The following RENBP variants were observed in gnomAD, a reference collection of about 807,000 sequenced individuals.
The protein encoded by RENBP is N-acylglucosamine 2-epimerase.
Under a neutral mutation model 37.8 loss-of-function variants are expected in RENBP, and 16 were observed. The ratio of observed to expected loss-of-function variants is 0.42; its 90% CI spans 0.29 to 0.64. RENBP has a LOEUF of 0.64. RENBP is among the 30% of genes least tolerant of loss of function. The pLI, the probability that RENBP is intolerant of heterozygous loss-of-function variation, is 0.19. For missense variants in RENBP, 347 were observed against 379.5 expected (o/e 0.91, Z 0.71); for synonymous variants, 170 against 154.8 (o/e 1.10, Z -0.73).
chrX:153,937,973 C>T (rs1433544880), intron 9 of RENBP, among the ~76,000 whole-genome samples: 1 of 112,225 alleles, frequency 8.9e-6, no homozygotes, highest in African/African-American at 3.2e-5. Flanking sequence ...TCAGGTGATC[C>T]ACCCGCCTCA....
chrX:153,940,413 C>A (rs1184206960), intron 8 of RENBP, among the ~76,000 whole-genome samples, 180 bp from the exon 9 acceptor site: 1 of 111,786 alleles, frequency 8.9e-6, no homozygotes, highest in Middle Eastern at 4.2e-3. Context: ...GAATAGACAC[C>A]AGGGCCCCAG....
At position 153,940,114 on chromosome X, in the gene RENBP, G is replaced by A. The variant is rs2065219997; in HGVS notation, c.1065C>T (p.Tyr355=). ...LLRLFYQVAE[Y]TFRQFRDPEY... ...AGGCAGCTCTCACCTGGCGGAAGGT[G>A]TACTCAGCCACTTGGTAGAAGAGGC... Residue 355 remains tyrosine, a synonymous_variant, in exon 9 of 11, where the codon TAC becomes TAT. Transcript: ENST00000393700. 8.3e-7 allele frequency: 1 copy of A among 1,211,152 alleles called. No individual in the cohort carries two copies.
intron 2 of RENBP, 28 bp from the exon 3 acceptor site, chrX:153,944,183 T>C (rs1345708010): frequency 8.3e-7 from 1 of 1,198,331 alleles, no homozygotes; most frequent in Non-Finnish European, 1.1e-6. Context: ...TAGCAAAGTC[T>C]GGAACGGGCC....
At chrX:153,942,339 C>T (rs943977209) in intron 6 of RENBP, 6 of 201,808 alleles carry the variant, frequency 3.0e-5, no homozygotes, top group Non-Finnish European at 4.3e-5. Flanking sequence ...TGGGTTCATG[C>T]GATTCTCCTG....
At chrX:153,939,089 C>T (rs1389310760) in intron 9 of RENBP, among the ~76,000 whole-genome samples, 12 of 108,345 alleles carry the variant, frequency 1.1e-4, no homozygotes, top group Admixed American at 2.0e-4. Flanking sequence ...CCACCGTGCC[C>T]GGCCTTTTTT....
At chrX:153,942,230 GTTTTTTT>G (rs782716689) in intron 6 of RENBP, 199 bp from the exon 7 acceptor site, 2 of 96,101 alleles carry the variant, frequency 2.1e-5, no homozygotes, top group Non-Finnish European at 3.4e-5. Flanking sequence ...GCAAGTTGTT[GTTTTTTT>G]TTTTTTTTTT....
chrX:153,935,676 G>T, intron 9 of RENBP, 100 bp from the exon 10 acceptor site: 1 of 658,835 alleles, frequency 1.5e-6, no homozygotes. Context: ...CCCAGGTGAC[G>T]TGGCTCCAGA....
At chrX:153,942,756 C>T (rs953842398) in intron 6 of RENBP, 99 bp downstream of exon 6, 6 of 719,557 alleles carry the variant, frequency 8.3e-6, no homozygotes, top group Non-Finnish European at 8.6e-6. Context: ...GGGACATCCC[C>T]GAATCTCTGT....
chrX:153,938,462 C>G (rs1472001182), intron 9 of RENBP, among the ~76,000 whole-genome samples: 1 of 112,537 alleles, frequency 8.9e-6, no homozygotes, highest in Non-Finnish European at 1.9e-5. Context: ...CCAGGGTTCA[C>G]CAGTGGAGTC....
chrX:153,939,283 C>T (rs1557109127), intron 9 of RENBP, among the ~76,000 whole-genome samples: 1 of 111,727 alleles, frequency 9.0e-6, no homozygotes, highest in Non-Finnish European at 1.9e-5. Flanking sequence ...GACCAGGTCT[C>T]GTTATGTTGC....
At chrX:153,943,398 G>T in intron 5 of RENBP, 148 bp downstream of exon 5, 3 of 603,479 alleles carry the variant, frequency 5.0e-6, no homozygotes, top group Non-Finnish European at 5.1e-6. Context: ...CTGCGCCCCT[G>T]TGGGGGTAGG....
At chrX:153,936,937 C>T (rs1326982672) in intron 9 of RENBP, among the ~76,000 whole-genome samples, 1 of 112,160 alleles carries the variant, frequency 8.9e-6, no homozygotes, top group Non-Finnish European at 1.9e-5. Context: ...TGGCTCACGC[C>T]TATAATCCCA....
chrX:153,937,628 T>C (rs2065209239), intron 9 of RENBP, among the ~76,000 whole-genome samples: 1 of 108,465 alleles, frequency 9.2e-6, no homozygotes, highest in Non-Finnish European at 1.9e-5. Flanking sequence ...TTATTTTTTT[T>C]ATTTTTTATT....
intron 9 of RENBP, chrX:153,937,241 T>TAAATAAAA (rs1557108740): frequency 2.7e-5 from 3 of 110,932 alleles, no homozygotes; most frequent in Admixed American, 9.8e-5. Flanking sequence ...AATAAATAAA[T>TAAATAAAA]AAAAACTAGT....
Position 153,944,117 on chromosome X carries a change from T to C in RENBP, c.176A>G (p.Tyr59Cys), listed in dbSNP as rs377311139. ...CAGCCACACATACTTGAGGTCATCATACACCCGCCCCTCGCGGCCAAGGCA... is the reference window on the plus strand; with the variant it reads ...CAGCCACACATACTTGAGGTCATCACACACCCGCCCCTCGCGGCCAAGGCA... ...FTCLGREGRV[Y>C]DDLKYVWLQG... The change falls in exon 3 of 11, where the codon TAT becomes TGT. Residue 59 changes from tyrosine (Y) to cysteine (C), a missense_variant. Physicochemically the swap from Tyr to Cys is radical, Grantham distance 194. Around this residue, in one of 3 missense-constraint regions of RENBP, gnomAD observed 244 missense variants for 279.4 expected, o/e 0.87. Coordinates refer to ENST00000393700, the MANE Select transcript of RENBP (RefSeq NM_002910.6). The C allele has an allele frequency of 4.1e-6, 5 of 1,209,453 alleles. No homozygotes were observed. Among genetic ancestry groups the C allele is most frequent in the Non-Finnish European group, 3.4e-6 (3 of 894,900 alleles).
chrX:153,940,330 G>C, intron 8 of RENBP, 97 bp from the exon 9 acceptor site: 3 of 1,034,686 alleles, frequency 2.9e-6, no homozygotes, highest in African/African-American at 1.8e-5. Flanking sequence ...TACTGGAGGT[G>C]AATTGCGGGA....
intron 9 of RENBP, chrX:153,937,029 T>G (rs1480053468): frequency 9.1e-6 from 1 of 109,620 alleles, no homozygotes; most frequent in Non-Finnish European, 1.9e-5. Flanking sequence ...AGACCCCATC[T>G]ATACAAAAAA....
intron 9 of RENBP, 124 bp downstream of exon 9, chrX:153,939,978 G>T: frequency 1.1e-6 from 1 of 886,474 alleles, no homozygotes; most frequent in East Asian, 3.2e-5. Context: ...AACAGCACTG[G>T]GGCTCCGGAA....
chrX:153,941,926 C>CGCG, intron 7 of RENBP, 24 bp downstream of exon 7: 2 of 680,612 alleles, frequency 2.9e-6, no homozygotes, highest in Non-Finnish European at 4.8e-6. Context: ...TCCTGGGTGG[C>CGCG]CCCCAGCCCA....
Sources: allele counts gnomAD v4.1 joint callset (sites outside exome capture counted in the v4.1 genomes callset), GRCh38; gene constraint gnomAD v4.1.1; regional missense constraint gnomAD v4.1.1; transcripts MANE v1.5; gene names NCBI Gene and HGNC (gene_info 2026-07-23, HGNC 2026-07-21).